The following SNX4 variants were observed in gnomAD, a reference collection of about 807,000 sequenced individuals.
The protein encoded by SNX4 is sorting nexin-4.
Under a neutral mutation model 70.8 loss-of-function variants are expected in SNX4, and 49 were observed. The ratio of observed to expected loss-of-function variants is 0.69; its 90% confidence interval spans 0.55 to 0.88. The LOEUF is 0.88. SNX4 is among the 40% of genes least tolerant of loss of function. The pLI is 0.00. For missense variants in SNX4, 528 were observed against 544.8 expected, an observed-to-expected ratio of 0.97 and a Z score of 0.31; for synonymous variants, 206 against 183.8, an observed-to-expected ratio of 1.12 and a Z score of -0.98.
At chr3:125,518,376 C>T (rs1365839631) in intron 1 of SNX4, among the ~76,000 whole-genome samples, 2 of 151,756 alleles carry the variant, frequency 1.3e-5, no homozygotes, top group South Asian at 2.1e-4. Context: ...GCAGGAGGCT[C>T]GCTTGAGGCC....
chr3:125,496,321 T>G (rs188125421), intron 5 of SNX4, among the ~76,000 whole-genome samples: 1 of 152,120 alleles, frequency 6.6e-6, no homozygotes, highest in Non-Finnish European at 1.5e-5. Flanking sequence ...AAAATATTTA[T>G]AAATTAGAAT....
chr3:125,501,487 G>A (rs1222185716), intron 2 of SNX4, among the ~76,000 whole-genome samples: 1 of 152,096 alleles, frequency 6.6e-6, no homozygotes. Flanking sequence ...GGGTGTGGTG[G>A]TGCAAGTCTG....
At chr3:125,488,697 G>C (rs1362889949) in intron 6 of SNX4, among the ~76,000 whole-genome samples, 1 of 152,136 alleles carries the variant, frequency 6.6e-6, no homozygotes, top group East Asian at 1.9e-4. Context: ...AGAAATTAGT[G>C]CTGAAGGATT....
intron 11 of SNX4, among the ~76,000 whole-genome samples, chr3:125,456,665 A>G (rs1933723478): frequency 6.6e-6 from 1 of 152,090 alleles, no homozygotes; most frequent in Non-Finnish European, 1.5e-5. Context: ...AAAATTAATA[A>G]AAACAATTTT....
intron 12 of SNX4, among the ~76,000 whole-genome samples, 172 bp downstream of exon 12, chr3:125,453,638 C>T (rs957490201): frequency 2.0e-5 from 3 of 152,016 alleles, no homozygotes; most frequent in African/African-American, 7.2e-5. Context: ...CGTGAGCCAC[C>T]ACACCCAGCG....
chr3:125,449,265 C>G (rs1933510628), intron 13 of SNX4: 1 of 151,336 alleles, frequency 6.6e-6, no homozygotes, highest in Admixed American at 6.6e-5. Context: ...CCTAAAGATA[C>G]AAAAAAATTA....
chr3:125,517,097 C>T (rs149392917), intron 1 of SNX4: 6 of 152,282 alleles, frequency 3.9e-5, no homozygotes, highest in African/African-American at 1.4e-4. Context: ...AAAATTACAA[C>T]TTAGTGTTAA....
At chr3:125,517,965 A>G (rs1020239919) in intron 1 of SNX4, among the ~76,000 whole-genome samples, 3 of 152,098 alleles carry the variant, frequency 2.0e-5, no homozygotes, top group Admixed American at 6.6e-5. Context: ...TGACAGGTCA[A>G]GAGACTGCTC....
intron 8 of SNX4, among the ~76,000 whole-genome samples, chr3:125,474,377 G>T (rs546820136): frequency 5.3e-5 from 8 of 152,228 alleles, no homozygotes; most frequent in African/African-American, 9.6e-5. Context: ...GAGTGCAGTG[G>T]TGTGATCATA....
rs529817847 is a variant in SNX4 at position 125,496,466 on chromosome 3, A to T, written c.597+875T>A. ...GTGTTTTTTAAATTACTGTAAAAAA[A>T]TTTTCTTCTTCTTGTCTAGACATAT... On this transcript the variant is annotated intron_variant, in intron 5 of 13. Coordinates refer to ENST00000251775, the MANE Select transcript of SNX4 (RefSeq NM_003794.4). Among the ~76,000 whole-genome samples the T allele has an allele frequency of 9.2e-4, 140 of 152,146 alleles. No individual in the cohort carries two copies. The South Asian group carries it at 0.014, about 15-fold the overall frequency.
At chr3:125,513,000 T>C (rs1935201122) in intron 1 of SNX4, among the ~76,000 whole-genome samples, 1 of 152,218 alleles carries the variant, frequency 6.6e-6, no homozygotes, top group Admixed American at 6.5e-5. Flanking sequence ...TAATTTAGCC[T>C]GTCTGTGCTT....
At chr3:125,499,383 G>C (rs1934876322) in intron 2 of SNX4, among the ~76,000 whole-genome samples, 1 of 152,096 alleles carries the variant, frequency 6.6e-6, no homozygotes, top group Non-Finnish European at 1.5e-5. Flanking sequence ...ATAGTCTAGA[G>C]AAAGTATTTA....
chr3:125,471,364 A>AAAAAAAAAAAAAAAAAAAAAAC (rs1934169323), intron 8 of SNX4, among the ~76,000 whole-genome samples: 1 of 145,970 alleles, frequency 6.9e-6, no homozygotes, highest in Non-Finnish European at 1.5e-5. Context: ...AAAAAAAAAA[A>AAAAAAAAAAAAAAAAAAAAAAC]AAAAAAAGCT....
At chr3:125,457,181 G>A (rs936019215) in intron 11 of SNX4, 85 bp downstream of exon 11, 4 of 896,022 alleles carry the variant, frequency 4.5e-6, no homozygotes, top group Non-Finnish European at 7.5e-6. Context: ...TTCTACAGGA[G>A]TGAGTTACTC....
intron 1 of SNX4, among the ~76,000 whole-genome samples, chr3:125,507,124 C>T (rs903902482): frequency 1.4e-5 from 2 of 143,280 alleles, no homozygotes; most frequent in Non-Finnish European, 3.0e-5. Context: ...TGGAGAATTA[C>T]TTGAACCCAG....
At chr3:125,461,483 C>A (rs989055896) in intron 9 of SNX4, among the ~76,000 whole-genome samples, 1 of 152,016 alleles carries the variant, frequency 6.6e-6, no homozygotes, top group Non-Finnish European at 1.5e-5. Context: ...ACTGTAATAT[C>A]TTTTGTTCAA....
In SNX4 at chr3:125,520,134, C is replaced by A. The variant is rs769959511; in HGVS notation, c.39G>T (p.Gln13His). The A allele has an allele frequency of 5.5e-5, 79 of 1,446,586 alleles. No homozygotes were observed. The highest frequency in any genetic ancestry group is 1.5e-5 in the African/African-American group (1 of 66,016). 89.6% of individuals were successfully genotyped at this position (1,446,586 alleles called of 1,614,324 possible). Residue 13 changes from glutamine to histidine, a missense_variant, in exon 1 of 14, where the codon CAG becomes CAT. Coordinates refer to ENST00000251775, the MANE Select transcript of SNX4 (RefSeq NM_003794.4). ...AGCCCAGCGGCTCCAAGGGCGCCGG[C>A]TGGAGCTGCCGCTCGGGGTCCGGAG... ...QAPPDPERQL[Q>H]PAPLEPLGSP...
chr3:125,509,630 T>C lies in SNX4; in HGVS notation c.142-4886A>G, dbSNP rs1459633068. 3.3e-5 allele frequency among the ~76,000 whole-genome samples: 5 copies of C among 151,098 alleles called. No individual in the cohort carries two copies. The East Asian group carries it at 9.9e-4, about 30-fold the overall frequency. Reference sequence around the variant, plus strand: ...TAGCTGGGTGTGGTGGTGAGTTGCCTATATTCCAGCTACTTGGGAGGCTGA... The same window carrying C: ...TAGCTGGGTGTGGTGGTGAGTTGCCCATATTCCAGCTACTTGGGAGGCTGA... On this transcript the variant is annotated intron_variant, in intron 1 of 13. Transcript: ENST00000251775.
chr3:125,478,103 G>T (rs566744485), intron 7 of SNX4, among the ~76,000 whole-genome samples: 5 of 150,978 alleles, frequency 3.3e-5, no homozygotes, highest in Admixed American at 3.3e-4. Flanking sequence ...ATTTTGAGAC[G>T]GAGTCTCACT....
Sources: allele counts gnomAD v4.1 joint callset (sites outside exome capture counted in the v4.1 genomes callset), GRCh38; gene constraint gnomAD v4.1.1; transcripts MANE v1.5; gene names NCBI Gene and HGNC (gene_info 2026-07-23, HGNC 2026-07-21).